RIMS2: variants seen among roughly 807,000 people sequenced by gnomAD.
RIMS2 encodes the protein regulating synaptic membrane exocytosis 2.
RIMS2 carries 59 observed loss-of-function variants against 174.4 expected under a neutral mutation model. The ratio of observed to expected loss-of-function variants is 0.34; its 90% CI spans 0.27 to 0.42. RIMS2 has a LOEUF of 0.42. Among genes scored for constraint, RIMS2 ranks in the 10% least tolerant of loss-of-function variants. The pLI is 1.00. For missense variants in RIMS2, 1,620 were observed against 1,666.3 expected, an observed-to-expected ratio of 0.97 and a Z score of 0.48; for synonymous variants, 606 against 572.5, an observed-to-expected ratio of 1.06 and a Z score of -0.84.
chr8:103,854,126 C>T (rs1056737693), intron 3 of RIMS2, among the ~76,000 whole-genome samples: 1 of 151,942 alleles, frequency 6.6e-6, no homozygotes, highest in South Asian at 2.1e-4. Context: ...CTAGATATTT[C>T]GTTTTCTTTG....
intron 1 of RIMS2, among the ~76,000 whole-genome samples, chr8:103,607,161 A>G (rs532051767): frequency 2.6e-5 from 4 of 152,056 alleles, no homozygotes; most frequent in South Asian, 4.2e-4. Flanking sequence ...TTCCATGTGT[A>G]GTGCTTCCTT....
intron 19 of RIMS2, among the ~76,000 whole-genome samples, chr8:104,127,188 G>T (rs1385456945): frequency 3.3e-5 from 5 of 152,058 alleles, no homozygotes; most frequent in African/African-American, 1.2e-4. Context: ...AAGTATGCCT[G>T]CTTTTGGCTA....
intron 1 of RIMS2, among the ~76,000 whole-genome samples, chr8:103,626,745 G>T (rs889706687): frequency 9.2e-5 from 14 of 152,100 alleles, no homozygotes; most frequent in Admixed American, 3.3e-4. Flanking sequence ...GCCTCCGGGG[G>T]TGTCATCACA....
chr8:103,545,939 A>G (rs1441001280), intron 1 of RIMS2, among the ~76,000 whole-genome samples: 3 of 152,176 alleles, frequency 2.0e-5, no homozygotes, highest in East Asian at 1.9e-4. Context: ...ACACAAGTAC[A>G]TAGATCACTG....
intron 3 of RIMS2, among the ~76,000 whole-genome samples, chr8:103,832,196 T>C (rs2098830006): frequency 6.6e-6 from 1 of 152,210 alleles, no homozygotes; most frequent in African/African-American, 2.4e-5. Flanking sequence ...AAGAGCATAA[T>C]TGGCTCTTAC....
At chr8:103,596,098 T>A (rs2094469151) in intron 1 of RIMS2, among the ~76,000 whole-genome samples, 2 of 152,036 alleles carry the variant, frequency 1.3e-5, no homozygotes. Flanking sequence ...TATCTTTTTC[T>A]TTTACAAACA....
At chr8:104,093,397 AT>A in intron 19 of RIMS2, 73 bp from the exon 24 acceptor site, 4 of 1,066,750 alleles carry the variant, frequency 3.7e-6, no homozygotes, top group Non-Finnish European at 5.3e-6. Flanking sequence ...AAGTGATGAA[AT>A]AGGAGAAAGC....
At chr8:104,178,390 GTGAGTCA>G (rs2098918465) in intron 19 of RIMS2, among the ~76,000 whole-genome samples, 1 of 152,120 alleles carries the variant, frequency 6.6e-6, no homozygotes, top group African/African-American at 2.4e-5. Context: ...GCCAGCAATG[GTGAGTCA>G]AGTCCCTCTT....
At chr8:103,619,936 G>A in intron 1 of RIMS2, among the ~76,000 whole-genome samples, 1 of 152,210 alleles carries the variant, frequency 6.6e-6, no homozygotes, top group East Asian at 1.9e-4. Flanking sequence ...ATAATTTTCT[G>A]TATGATGCCA....
chr8:103,519,563 C>G (rs1228785590), intron 1 of RIMS2, among the ~76,000 whole-genome samples: 1 of 151,980 alleles, frequency 6.6e-6, no homozygotes, highest in Non-Finnish European at 1.5e-5. Context: ...CATGGTTAAT[C>G]TTTGTTATAG....
At chr8:104,164,780 A>G (rs894284088) in intron 19 of RIMS2, among the ~76,000 whole-genome samples, 2 of 152,182 alleles carry the variant, frequency 1.3e-5, no homozygotes, top group African/African-American at 4.8e-5. Flanking sequence ...AGAGGGGAAC[A>G]ACACACACTG....
At chr8:103,594,157 TC>T (rs1314234772) in intron 1 of RIMS2, among the ~76,000 whole-genome samples, 1 of 151,644 alleles carries the variant, frequency 6.6e-6, no homozygotes, top group African/African-American at 2.4e-5. Context: ...ATGTGGATGC[TC>T]CCAGCTGAGG....
chr8:103,701,089 A>G (rs1332911900), intron 2 of RIMS2, among the ~76,000 whole-genome samples: 2 of 152,024 alleles, frequency 1.3e-5, no homozygotes, highest in Non-Finnish European at 1.5e-5. Context: ...TTGTAGATCT[A>G]TAATTATATC....
rs566016104 is a variant in RIMS2 at position 104,032,553 on chromosome 8, A to G, written c.3334+17938A>G. The stretch of plus-strand genomic sequence containing the variant: ...TTAAGTAGAAGACAAAACTTGAACC[A>G]AGAATAAAATGAAAAAAGACAAAGT... On this transcript the variant is annotated intron_variant, in intron 19 of 23. Transcript: ENST00000504942. Among the ~76,000 whole-genome samples, 12 of 152,180 alleles carry G rather than the reference A, an allele frequency of 7.9e-5. No individual in the cohort carries two copies. The East Asian group carries it at 1.4e-3, about 17-fold the overall frequency.
At chr8:103,743,022 T>C (rs1487737327) in intron 2 of RIMS2, among the ~76,000 whole-genome samples, 1 of 152,220 alleles carries the variant, frequency 6.6e-6, no homozygotes, top group African/African-American at 2.4e-5. Context: ...AAGATATTTT[T>C]ATAAAGGATG....
At chr8:103,694,622 G>A (rs1043023319) in intron 1 of RIMS2, among the ~76,000 whole-genome samples, 3 of 152,050 alleles carry the variant, frequency 2.0e-5, no homozygotes, top group Non-Finnish European at 4.4e-5. Flanking sequence ...ATGCCAGGGT[G>A]GGCTTGGAGG....
intron 2 of RIMS2, among the ~76,000 whole-genome samples, chr8:103,748,305 T>A: frequency 6.6e-6 from 1 of 151,662 alleles, no homozygotes; most frequent in East Asian, 1.9e-4. Context: ...ATTAGCTGGA[T>A]CTGGTGGTGT....
chr8:103,684,204 T>G (rs2096911995), intron 1 of RIMS2, among the ~76,000 whole-genome samples: 1 of 152,142 alleles, frequency 6.6e-6, no homozygotes, highest in Admixed American at 6.6e-5. Flanking sequence ...AAGAGGTTTC[T>G]TGTGCCCATC....
chr8:104,199,504 G>T (rs562662845), intron 19 of RIMS2, among the ~76,000 whole-genome samples: 10 of 152,102 alleles, frequency 6.6e-5, no homozygotes, highest in African/African-American at 2.4e-4. Flanking sequence ...CTTTTCCACC[G>T]GCTGCCACTC....
Sources: gnomAD v4.1 joint callset for allele counts (sites outside exome capture counted in the v4.1 genomes callset) on GRCh38, gnomAD v4.1.1 for gene constraint, MANE v1.5 for transcripts, NCBI Gene and HGNC (gene_info 2026-07-23, HGNC 2026-07-21) for gene names.